CCDC126: variants seen among roughly 807,000 people sequenced by gnomAD.
The protein encoded by CCDC126 is coiled-coil domain containing 126.
In CCDC126, 5 loss-of-function variants were observed where a neutral mutation model predicts 11.7. The ratio of observed to expected loss-of-function variants is 0.43; its 90% CI spans 0.22 to 0.90. The LOEUF is 0.90. Ranked by LOEUF, CCDC126 falls within the 40% of genes least tolerant of loss-of-function variation. The pLI is 0.27. For synonymous variants in CCDC126, 60 were observed against 61.9 expected, an observed-to-expected ratio of 0.97 and a Z score of 0.14; for missense variants, 150 against 163.1, an observed-to-expected ratio of 0.92 and a Z score of 0.44.
chr7:23,635,866 G>GCTCTCCCTCTCC (rs200378392), intron 3 of CCDC126, among the ~76,000 whole-genome samples: 55 of 151,754 alleles, frequency 3.6e-4, no homozygotes, highest in Admixed American at 7.2e-4. Context: ...ACTGTCCCCT[G>GCTCTCCCTCTCC]CTCTCCCTCT....
intron 3 of CCDC126, 131 bp from the exon 4 acceptor site, chr7:23,642,800 A>T: frequency 1.5e-6 from 1 of 659,316 alleles, no homozygotes; most frequent in Non-Finnish European, 2.5e-6. Flanking sequence ...TATTTGTAGT[A>T]TGAGTGCATT....
intron 2 of CCDC126, among the ~76,000 whole-genome samples, chr7:23,610,327 C>T (rs1009785931): frequency 7.2e-5 from 11 of 152,144 alleles, no homozygotes; most frequent in Admixed American, 2.0e-4. Context: ...CCCTGCCGCC[C>T]CACCTTCCTG....
chr7:23,634,252 T>A (rs528254528), intron 3 of CCDC126, among the ~76,000 whole-genome samples: 11 of 152,218 alleles, frequency 7.2e-5, no homozygotes, highest in African/African-American at 2.6e-4. Flanking sequence ...TCAAGAGTAG[T>A]CCAGGCAACA....
chr7:23,609,344 C>A (rs145354311), intron 2 of CCDC126, among the ~76,000 whole-genome samples: 1 of 151,954 alleles, frequency 6.6e-6, no homozygotes, highest in Non-Finnish European at 1.5e-5. Context: ...CCACCACGTC[C>A]GGCTAATTTT....
chr7:23,604,493 A>G (rs1782589734), intron 2 of CCDC126, among the ~76,000 whole-genome samples: 2 of 152,276 alleles, frequency 1.3e-5, no homozygotes, highest in South Asian at 4.1e-4. Context: ...TGTATTACCT[A>G]ATGTTACTCA....
At position 23,643,139 on chromosome 7, in the gene CCDC126, C is replaced by T. The variant is rs199520534; in HGVS notation, c.*24C>T. On this transcript the variant is annotated 3_prime_UTR_variant, in exon 4 of 4. Coordinates refer to ENST00000307471, the MANE Select transcript of CCDC126 (RefSeq NM_138771.4). ...AGCAGTTGAAAATCACCTTGTGCTGCTCCATCCACTGTGGATTATATCCTA... is the reference window on the plus strand; with the variant it reads ...AGCAGTTGAAAATCACCTTGTGCTGTTCCATCCACTGTGGATTATATCCTA... 33 of 1,600,044 alleles carry T rather than the reference C, an allele frequency of 2.1e-5. 1 individual carries two copies. The highest frequency in any genetic ancestry group is 2.7e-5 in the African/African-American group (2 of 74,638).
At chr7:23,606,061 A>G (rs1430277055) in intron 2 of CCDC126, among the ~76,000 whole-genome samples, 3 of 150,782 alleles carry the variant, frequency 2.0e-5, no homozygotes, top group Non-Finnish European at 4.4e-5. Flanking sequence ...TTATTTATTT[A>G]TTTATTTATG....
Position 23,618,560 on chromosome 7 carries a change from TTTA to T in CCDC126, c.238+7008_238+7010del, listed in dbSNP as rs1426284952. Among the ~76,000 whole-genome samples, 108 of 143,518 alleles carry T rather than the reference TTTA, an allele frequency of 7.5e-4. 2 individuals carry two copies. The highest frequency in any genetic ancestry group is 2.1e-3 in the East Asian group (11 of 5,126). 94.2% of individuals were successfully genotyped at this position (143,518 alleles called of 152,430 possible). A position where few individuals can be genotyped will look rare whatever the true frequency, so the allele number is the denominator to read the frequency against. ...TAAATTTTTTTTTTTTTTTTTTTTT[TTTA>T]AATTTGAGACAGAGTCTTGCTCTGT... On this transcript the variant is annotated intron_variant, in intron 3 of 3. Coordinates refer to ENST00000307471, the MANE Select transcript of CCDC126 (RefSeq NM_138771.4).
In CCDC126 at chr7:23,643,090, C is replaced by T. The variant is rs146283363; in HGVS notation, c.398C>T (p.Thr133Met). 96 of 1,614,018 alleles carry T rather than the reference C, an allele frequency of 5.9e-5. No individual in the cohort carries two copies. The highest frequency in any genetic ancestry group is 1.6e-4 in the Middle Eastern group (1 of 6,062). The change falls in exon 4 of 4, where the codon ACG (threonine) becomes ATG (methionine). Residue 133 changes from threonine to methionine, a missense_variant. Physicochemically the swap from Thr to Met is moderately conservative, Grantham distance 81. Transcript: ENST00000307471. ...GTGCCAGTAACCACAAATAAAAGAA[C>T]GAATGTCTCGGGCAGTATCAGATAG... ...NLVPVTTNKR[T>M]NVSGSIR
chr7:23,604,820 C>T (rs182330493), intron 2 of CCDC126, among the ~76,000 whole-genome samples: 1,689 of 151,814 alleles, frequency 0.011, 36 homozygotes, highest in African/African-American at 0.039. Context: ...CATGGTGAAA[C>T]CCCGTCTCTA....
intron 3 of CCDC126, among the ~76,000 whole-genome samples, chr7:23,639,859 T>A (rs1783322256): frequency 6.6e-6 from 1 of 152,200 alleles, no homozygotes; most frequent in African/African-American, 2.4e-5. Flanking sequence ...TTGTAAAATA[T>A]CGATAACAAC....
At chr7:23,633,203 G>A (rs1322816950) in intron 3 of CCDC126, among the ~76,000 whole-genome samples, 4 of 152,142 alleles carry the variant, frequency 2.6e-5, no homozygotes, top group African/African-American at 9.7e-5. Context: ...TGTTGATCGG[G>A]CTGGTCTGGA....
intron 3 of CCDC126, among the ~76,000 whole-genome samples, chr7:23,617,998 T>C (rs1782823972): frequency 6.6e-6 from 1 of 152,160 alleles, no homozygotes; most frequent in Non-Finnish European, 1.5e-5. Flanking sequence ...ACAGTTTTAG[T>C]GTAGAAGAAG....
intron 2 of CCDC126, among the ~76,000 whole-genome samples, chr7:23,608,575 C>T (rs1183533524): frequency 6.6e-6 from 1 of 152,032 alleles, no homozygotes; most frequent in Non-Finnish European, 1.5e-5. Flanking sequence ...CCCAGGGAAG[C>T]CAAGAGATTG....
At chr7:23,616,600 A>G (rs1266869575) in intron 3 of CCDC126, among the ~76,000 whole-genome samples, 1 of 152,134 alleles carries the variant, frequency 6.6e-6, no homozygotes, top group African/African-American at 2.4e-5. Context: ...TGAGATTTTA[A>G]AGGCTCTGCT....
chr7:23,618,766 G>C (rs1221807506), intron 3 of CCDC126, among the ~76,000 whole-genome samples: 1 of 151,658 alleles, frequency 6.6e-6, no homozygotes, highest in Non-Finnish European at 1.5e-5. Context: ...TCAAGGCCAG[G>C]TTGGCCTTGA....
chr7:23,624,404 A>G (rs1448284612), intron 3 of CCDC126, among the ~76,000 whole-genome samples: 2 of 152,158 alleles, frequency 1.3e-5, no homozygotes, highest in African/African-American at 4.8e-5. Context: ...CGGCCTCTCA[A>G]AGTGCTGGGA....
At chr7:23,611,840 G>A (rs1221455041) in intron 3 of CCDC126, among the ~76,000 whole-genome samples, 4 of 152,066 alleles carry the variant, frequency 2.6e-5, no homozygotes, top group Non-Finnish European at 2.9e-5. Flanking sequence ...GATATATATC[G>A]CTGAAAAAAA....
At chr7:23,602,586 C>T (rs920430191) in intron 2 of CCDC126, among the ~76,000 whole-genome samples, 2 of 152,130 alleles carry the variant, frequency 1.3e-5, no homozygotes, top group South Asian at 2.1e-4. Flanking sequence ...GGAGCCTTCT[C>T]ATTCTCATTT....
Sources: gnomAD v4.1 joint callset for allele counts (sites outside exome capture counted in the v4.1 genomes callset) on GRCh38, gnomAD v4.1.1 for gene constraint, MANE v1.5 for transcripts, NCBI Gene and HGNC (gene_info 2026-07-23, HGNC 2026-07-21) for gene names.